The following CSNK1G1 variants were observed in gnomAD, a reference collection of about 807,000 sequenced individuals.
The protein encoded by CSNK1G1 is casein kinase I isoform gamma-1.
Under a neutral mutation model 59.6 loss-of-function variants are expected in CSNK1G1, and 22 were observed. That is an observed-to-expected ratio of 0.37 (90% CI 0.26 to 0.53). The LOEUF (loss-of-function observed/expected upper bound fraction) is 0.53, where lower values mean the gene tolerates loss of function less well. Among genes scored for constraint, CSNK1G1 ranks in the 20% least tolerant of loss-of-function variants. The pLI is 0.89. For missense variants in CSNK1G1, 384 were observed against 519.5 expected (o/e 0.74, Z 2.54); for synonymous variants, 179 against 177.1 (o/e 1.01, Z -0.08).
At chr15:64,337,393 G>C (rs1055284560) in intron 1 of CSNK1G1, among the ~76,000 whole-genome samples, 2 of 152,128 alleles carry the variant, frequency 1.3e-5, no homozygotes, top group Admixed American at 1.3e-4. Context: ...CTGCCACCCA[G>C]GCTGAAATGC....
At chr15:64,211,021 A>C (rs2082243298) in intron 6 of CSNK1G1, among the ~76,000 whole-genome samples, 1 of 152,162 alleles carries the variant, frequency 6.6e-6, no homozygotes, top group African/African-American at 2.4e-5. Context: ...TGAGGCCCTC[A>C]CCAGATGCAG....
At chr15:64,205,073 TC>T in intron 7 of CSNK1G1, 124 bp from the exon 8 acceptor site, 1 of 564,822 alleles carries the variant, frequency 1.8e-6, no homozygotes, top group Admixed American at 3.7e-5. Context: ...TGATTTTTTT[TC>T]TAACACTAAC....
At chr15:64,242,020 GAC>G in intron 4 of CSNK1G1, among the ~76,000 whole-genome samples, 1 of 151,954 alleles carries the variant, frequency 6.6e-6, no homozygotes, top group South Asian at 2.1e-4. Context: ...CGAAAAAGGA[GAC>G]ATTACAACTG....
intron 2 of CSNK1G1, among the ~76,000 whole-genome samples, chr15:64,277,590 A>ATATATTTAATAATATATTAATATTGG (rs1333110648): frequency 1.4e-5 from 2 of 139,904 alleles, no homozygotes; most frequent in South Asian, 2.3e-4. Context: ...ATTAATATTA[A>ATATATTTAATAATATATTAATATTGG]TATATTTAAT....
intron 2 of CSNK1G1, among the ~76,000 whole-genome samples, chr15:64,270,552 G>A (rs1191609036): frequency 6.6e-6 from 1 of 152,126 alleles, no homozygotes; most frequent in East Asian, 1.9e-4. Flanking sequence ...GAGGTCAGGA[G>A]ATCGAGACCA....
chr15:64,193,279 CAGA>C (rs2081995750), intron 10 of CSNK1G1, among the ~76,000 whole-genome samples: 1 of 151,902 alleles, frequency 6.6e-6, no homozygotes, highest in African/African-American at 2.4e-5. Context: ...ATCACAAGGT[CAGA>C]AGATTGAGAC....
chr15:64,235,612 A>C (rs1270357437), intron 4 of CSNK1G1, among the ~76,000 whole-genome samples: 1 of 152,200 alleles, frequency 6.6e-6, no homozygotes, highest in Non-Finnish European at 1.5e-5. Flanking sequence ...AGAGTCTAAA[A>C]GTCTAAAAAC....
At chr15:64,346,094 T>C (rs1039873002) in intron 1 of CSNK1G1, among the ~76,000 whole-genome samples, 4 of 151,940 alleles carry the variant, frequency 2.6e-5, no homozygotes, top group African/African-American at 9.7e-5. Context: ...AAAATTTGCA[T>C]AAACCAATTG....
chr15:64,299,824 T>C (rs192902079), intron 2 of CSNK1G1, among the ~76,000 whole-genome samples: 2 of 152,248 alleles, frequency 1.3e-5, no homozygotes, highest in Admixed American at 1.3e-4. Context: ...AAATTATCTT[T>C]TGGAAAATTT....
rs948543654 is a variant in CSNK1G1 at position 64,194,523 on chromosome 15, T to C, written c.1107+8559A>G. 9.3e-5 allele frequency among the ~76,000 whole-genome samples: 14 copies of C among 149,868 alleles called. No individual in the cohort carries two copies. The East Asian group carries it at 1.4e-3, about 14-fold the overall frequency. ...TCTTCTTTTCTTTTCTTTTCTTTTT[T>C]TTTTTTTTTTTGAGACAGAGTTTTG... On this transcript the variant is annotated intron_variant, in intron 10 of 11. Transcript: ENST00000303052.
chr15:64,291,634 C>T (rs1894749151), intron 2 of CSNK1G1, among the ~76,000 whole-genome samples: 1 of 152,176 alleles, frequency 6.6e-6, no homozygotes, highest in Non-Finnish European at 1.5e-5. Flanking sequence ...AGCCTGCATT[C>T]TCTCAGATGA....
At chr15:64,280,051 C>T (rs995828478) in intron 2 of CSNK1G1, among the ~76,000 whole-genome samples, 1 of 151,506 alleles carries the variant, frequency 6.6e-6, no homozygotes, top group African/African-American at 2.4e-5. Context: ...TATTCATACA[C>T]TGGATGAGGA....
intron 1 of CSNK1G1, among the ~76,000 whole-genome samples, chr15:64,312,091 C>T (rs533540814): frequency 6.6e-6 from 1 of 152,210 alleles, no homozygotes; most frequent in African/African-American, 2.4e-5. Context: ...CAAACCACTG[C>T]TCAAGGAAAT....
chr15:64,243,418 C>T (rs535444028), intron 4 of CSNK1G1, among the ~76,000 whole-genome samples: 8 of 151,944 alleles, frequency 5.3e-5, no homozygotes, highest in Non-Finnish European at 1.0e-4. Context: ...TAACAAAGGT[C>T]ATATAGGACA....
At chr15:64,310,416 T>TA (rs879455459) in intron 1 of CSNK1G1, among the ~76,000 whole-genome samples, 63 of 144,564 alleles carry the variant, frequency 4.4e-4, no homozygotes, top group African/African-American at 6.8e-4. Context: ...AATAACTGTT[T>TA]AAAAAAAAAA....
chr15:64,295,090 A>G (rs927597545), intron 2 of CSNK1G1, among the ~76,000 whole-genome samples: 2 of 152,060 alleles, frequency 1.3e-5, no homozygotes, highest in Non-Finnish European at 2.9e-5. Context: ...CTTAATCCCT[A>G]TCTCAAGCCT....
intron 4 of CSNK1G1, among the ~76,000 whole-genome samples, chr15:64,220,755 T>C (rs2082378730): frequency 6.6e-6 from 1 of 152,096 alleles, no homozygotes; most frequent in South Asian, 2.1e-4. Context: ...GATTTCACCA[T>C]GTTGGCCAGG....
At chr15:64,289,173 C>T (rs1894596266) in intron 2 of CSNK1G1, among the ~76,000 whole-genome samples, 1 of 143,186 alleles carries the variant, frequency 7.0e-6, no homozygotes, top group Non-Finnish European at 1.5e-5. Flanking sequence ...AAGTGAGACT[C>T]TGTATCAAAA....
intron 3 of CSNK1G1, 93 bp from the exon 4 acceptor site, chr15:64,251,674 C>A (rs1892093301): frequency 1.2e-6 from 1 of 841,124 alleles, no homozygotes. Context: ...TAAGATCACC[C>A]AATGTTTTAG....
Sources: allele counts gnomAD v4.1 joint callset (sites outside exome capture counted in the v4.1 genomes callset), GRCh38; gene constraint gnomAD v4.1.1; transcripts MANE v1.5; gene names NCBI Gene and HGNC (gene_info 2026-07-23, HGNC 2026-07-21).